The following KIFC3 variants were observed in gnomAD, a reference collection of about 807,000 sequenced individuals.
KIFC3 encodes the protein kinesin-like protein KIFC3.
Under a neutral mutation model 101.8 loss-of-function variants are expected in KIFC3, and 60 were observed. That is an observed-to-expected ratio of 0.59 (90% CI 0.48 to 0.73). The LOEUF is 0.73. Ranked by LOEUF, KIFC3 falls within the 30% of genes least tolerant of loss-of-function variation. The probability of loss-of-function intolerance (pLI) is 0.00; values close to 1 mark genes in which losing one functional copy is unlikely to be tolerated. For synonymous variants in KIFC3, 476 were observed against 482.7 expected (o/e 0.99, Z 0.18); for missense variants, 966 against 1,137.1 (o/e 0.85, Z 2.16).
At chr16:57,803,608 A>C (rs1568068125), upstream of KIFC3, among the ~76,000 whole-genome samples, 1 of 152,238 alleles carries the variant, frequency 6.6e-6, no homozygotes, top group Non-Finnish European at 1.5e-5. Flanking sequence ...AAGAATCTCG[A>C]CCAGCGACGG....
chr16:57,850,947 CTCCTTCCTTCCTTCCTTCCT>C (rs200153757), intron 1 of KIFC3, among the ~76,000 whole-genome samples: 1,844 of 52,564 alleles, frequency 0.035, 42 homozygotes, highest in African/African-American at 0.071. Context: ...CCTTCCCTCC[CTCCTTCCTTCCTTCCTTCCT>C]TCCTTCCTTC....
chr16:57,795,403 G>A (rs749319967), intron 2 of KIFC3, among the ~76,000 whole-genome samples: 5 of 152,226 alleles, frequency 3.3e-5, no homozygotes, highest in Admixed American at 6.5e-5. Flanking sequence ...CCCCACCGGA[G>A]GCTCCCCTAT....
intron 3 of KIFC3, chr16:57,775,306 T>C (rs2051896126): frequency 1.6e-6 from 2 of 1,212,504 alleles, no homozygotes; most frequent in East Asian, 3.6e-5. Flanking sequence ...CTCTGGCTTC[T>C]TGAGGGCAGC....
intron 1 of KIFC3, among the ~76,000 whole-genome samples, chr16:57,859,138 C>T (rs2056241128): frequency 6.6e-6 from 1 of 152,128 alleles, no homozygotes; most frequent in Non-Finnish European, 1.5e-5. Context: ...AGGACCATAT[C>T]CACCTCTTTA....
At chr16:57,802,881 C>T, upstream of KIFC3, 1 of 1,261,362 alleles carries the variant, frequency 7.9e-7, no homozygotes, top group Non-Finnish European at 1.1e-6. This position sits in a 1 kb window ranked among gnomAD's most constrained non-coding sequence, Gnocchi z 5.0. Context: ...CACGCGAGTA[C>T]TCACACATAC....
rs567545087 is a variant in KIFC3 at position 57,776,302 on chromosome 16, C to T, written c.316-4014G>A. ...CTGGGAGCACACCCTGTGGAGCCCACAGAAGGCCTGATCCTGGCTGTATGA... is the reference window on the plus strand; with the variant it reads ...CTGGGAGCACACCCTGTGGAGCCCATAGAAGGCCTGATCCTGGCTGTATGA... On this transcript the variant is annotated intron_variant, in intron 3 of 19. Transcript: ENST00000445690. 8 of 985,506 alleles carry T rather than the reference C, an allele frequency of 8.1e-6. No homozygotes were observed. The African/African-American group carries it at 1.0e-4, about 13-fold the overall frequency. 61.0% of individuals were successfully genotyped at this position (985,506 alleles called of 1,614,324 possible).
At chr16:57,788,354 TG>T (rs2053545172) in intron 3 of KIFC3, among the ~76,000 whole-genome samples, 1 of 152,188 alleles carries the variant, frequency 6.6e-6, no homozygotes, top group Non-Finnish European at 1.5e-5. Flanking sequence ...CTGGATGCTG[TG>T]GGAGGCATGG....
chr16:57,779,711 G>T (rs981686876), intron 3 of KIFC3, among the ~76,000 whole-genome samples: 4 of 152,126 alleles, frequency 2.6e-5, no homozygotes, highest in Non-Finnish European at 5.9e-5. Flanking sequence ...CTATGCGGGA[G>T]CCGGAGACAG....
At chr16:57,788,861 G>A in intron 3 of KIFC3, 4 of 649,418 alleles carry the variant, frequency 6.2e-6, no homozygotes, top group Non-Finnish European at 9.0e-6. Flanking sequence ...TGGGGACGTT[G>A]AGGTCCAGGA....
chr16:57,759,135 T>C lies in KIFC3; in HGVS notation c.*14A>G. On this transcript the variant is annotated 3_prime_UTR_variant, in exon 19 of 20. Coordinates refer to ENST00000445690, the MANE Select transcript of KIFC3 (RefSeq NM_001130100.2). The stretch of plus-strand genomic sequence containing the variant: ...AGGCCCCACACTCACCTAGAGACTC[T>C]GCAGCCCCAGCCGTCAGGCTGAAAT... The C allele has an allele frequency of 1.3e-6, 2 of 1,550,778 alleles. No homozygotes were observed. Among genetic ancestry groups the C allele is most frequent in the Non-Finnish European group, 1.7e-6 (2 of 1,146,960 alleles).
rs571968679 is a variant in KIFC3, at chr16:57,770,794, G to A, written c.766-94C>T. 27 of 1,109,542 alleles carry A rather than the reference G, an allele frequency of 2.4e-5. No homozygotes were observed. The Admixed American group carries it at 4.9e-4, about 20-fold the overall frequency. 68.7% of individuals were successfully genotyped at this position (1,109,542 alleles called of 1,614,324 possible). A position where few individuals can be genotyped will look rare whatever the true frequency, so the allele number is the denominator to read the frequency against. On this transcript the variant is annotated intron_variant, in intron 6 of 19. Transcript: ENST00000445690. ...CAGCAGGCCAGGGGAAGGAACTCTC[G>A]GGAACATCCCACTCAGAAACCAGAA... is the stretch of plus-strand genomic sequence containing the variant.
At chr16:57,762,728 G>A (rs1193386301) in intron 12 of KIFC3, among the ~76,000 whole-genome samples, 1 of 152,116 alleles carries the variant, frequency 6.6e-6, no homozygotes, top group Non-Finnish European at 1.5e-5. Flanking sequence ...AGGACGGGTG[G>A]GCCGGCCTTT....
intron 2 of KIFC3, among the ~76,000 whole-genome samples, chr16:57,797,550 C>T (rs1241793196): frequency 1.3e-5 from 2 of 152,210 alleles, no homozygotes; most frequent in Admixed American, 1.3e-4. Flanking sequence ...CTGTCAGGGT[C>T]TCTACAGAAG....
intron 1 of KIFC3, among the ~76,000 whole-genome samples, chr16:57,854,877 CAAGTGCTTGA>C (rs2056131838): frequency 6.6e-6 from 1 of 152,054 alleles, no homozygotes; most frequent in African/African-American, 2.4e-5. Flanking sequence ...GGAAAATCTC[CAAGTGCTTGA>C]AAGTTACACA....
At chr16:57,817,051 T>C (rs2055243422) in intron 1 of KIFC3, 1 of 305,124 alleles carries the variant, frequency 3.3e-6, no homozygotes, top group Non-Finnish European at 6.4e-6. Context: ...ACTGCATGGC[T>C]TAAAACAACA....
Position 57,765,544 on chromosome 16 carries a change from T to C in KIFC3, c.1427A>G (p.Asp476Gly). 2 of 1,599,288 alleles carry C rather than the reference T, an allele frequency of 1.3e-6. No homozygotes were observed. Among genetic ancestry groups the C allele is most frequent in the Non-Finnish European group, 1.7e-6 (2 of 1,172,438 alleles). The change falls in exon 11 of 20, where the codon GAC becomes GGC. Residue 476 changes from aspartate to glycine, a missense_variant. Physicochemically the swap from Asp to Gly is moderately conservative, Grantham distance 94 (BLOSUM62 -1). Around this residue, in one of 2 missense-constraint regions of KIFC3, gnomAD observed 689 missense variants for 884.6 expected, o/e 0.78. Transcript: ENST00000445690. ...TNAVTFDADD[D>G]SIIHLLHKGK... Reference sequence around the variant, plus strand: ...CTTGTGCAGCAGGTGGATGATGGAGTCGTCGTCGGCATCGAAAGTCACAGC... The same window carrying C: ...CTTGTGCAGCAGGTGGATGATGGAGCCGTCGTCGGCATCGAAAGTCACAGC...
chr16:57,759,665 A>G, intron 18 of KIFC3, 63 bp downstream of exon 18: 1 of 1,252,994 alleles, frequency 8.0e-7, no homozygotes, highest in Non-Finnish European at 1.1e-6. Flanking sequence ...CATCCAGGTA[A>G]GGGCAGCCTG....
intron 12 of KIFC3, among the ~76,000 whole-genome samples, chr16:57,763,771 C>T (rs1555600104): frequency 1.3e-5 from 2 of 152,190 alleles, no homozygotes; most frequent in African/African-American, 4.8e-5. Context: ...TCCCAGATCC[C>T]CCAGGCCCGG....
chr16:57,828,283 C>T (rs2055499475), intron 1 of KIFC3, among the ~76,000 whole-genome samples: 1 of 152,258 alleles, frequency 6.6e-6, no homozygotes, highest in South Asian at 2.1e-4. Context: ...AGGTCCCTTT[C>T]TCAGGTGAGG....
Sources: allele counts gnomAD v4.1 joint callset (sites outside exome capture counted in the v4.1 genomes callset), GRCh38; gene constraint gnomAD v4.1.1; regional missense constraint gnomAD v4.1.1; non-coding constraint Gnocchi (gnomAD v3.1); transcripts MANE v1.5; gene names NCBI Gene and HGNC (gene_info 2026-07-23, HGNC 2026-07-21).